APAF1: variants seen among roughly 807,000 people sequenced by gnomAD.
The protein encoded by APAF1 is apoptotic peptidase activating factor 1, also known as apoptotic protease-activating factor 1.
Under a neutral mutation model 152.4 loss-of-function variants are expected in APAF1, and 91 were observed. The ratio of observed to expected loss-of-function variants is 0.60; its 90% confidence interval spans 0.50 to 0.71. The LOEUF (loss-of-function observed/expected upper bound fraction) is 0.71. APAF1 is among the 30% of genes least tolerant of loss of function. The pLI is 0.00. For synonymous variants in APAF1, 484 were observed against 494.1 expected (o/e 0.98, Z 0.27); for missense variants, 1,283 against 1,472.0 (o/e 0.87, Z 2.10).
chr12:98,726,749 T>A (rs2097751168), intron 25 of APAF1: 1 of 155,350 alleles, frequency 6.4e-6, no homozygotes, highest in South Asian at 1.9e-4. Context: ...TGTGTTATTT[T>A]AAAAATTTTT....
At chr12:98,669,191 G>A (rs1299742811) in intron 10 of APAF1, among the ~76,000 whole-genome samples, 1 of 151,738 alleles carries the variant, frequency 6.6e-6, no homozygotes, top group Non-Finnish European at 1.5e-5. Context: ...AGTTTTTTTG[G>A]TCCTTATGAT....
At position 98,686,776 on chromosome 12, in the gene APAF1, G is replaced by A. The variant is rs751875283; in HGVS notation, c.2207G>A (p.Arg736Gln). The change falls in exon 16 of 27, where the codon CGA becomes CAA. Residue 736 changes from arginine to glutamine, a missense_variant. By Grantham distance (43) the Arg-to-Gln change is conservative. Coordinates refer to ENST00000551964, the MANE Select transcript of APAF1 (RefSeq NM_181861.2). Reference sequence around the variant, plus strand: ...TGGGATTTGAATCAAAAAGAATGTCGAAATACCATGTTTGGTCATACAAAT... The same window carrying A: ...TGGGATTTGAATCAAAAAGAATGTCAAAATACCATGTTTGGTCATACAAAT... ...KLWDLNQKEC[R>Q]NTMFGHTNSV... The A allele has an allele frequency of 7.4e-6, 12 of 1,613,338 alleles. No individual in the cohort carries two copies. Among genetic ancestry groups the A allele is most frequent in the Middle Eastern group, 1.6e-4 (1 of 6,080 alleles).
At chr12:98,690,908 C>T (rs2097703438) in intron 16 of APAF1, among the ~76,000 whole-genome samples, 1 of 152,040 alleles carries the variant, frequency 6.6e-6, no homozygotes, top group Admixed American at 6.6e-5. Context: ...ATAACAGTGT[C>T]CAAAAAGTCC....
intron 15 of APAF1, among the ~76,000 whole-genome samples, chr12:98,684,341 G>T (rs1054311238): frequency 1.3e-5 from 2 of 151,608 alleles, no homozygotes; most frequent in Non-Finnish European, 2.9e-5. Flanking sequence ...TGGCTGAATG[G>T]GACCTACATT....
Position 98,688,765 on chromosome 12 carries a change from C to T in APAF1, c.2304+1892C>T, listed in dbSNP as rs186947775. On this transcript the variant is annotated intron_variant, in intron 16 of 26. Transcript: ENST00000551964. ...GTGAGCCACCAAGCCTAGCCTACCACTCTTTTCTTTTTTCTTTTCTTTTCT... is the reference window on the plus strand; with the variant it reads ...GTGAGCCACCAAGCCTAGCCTACCATTCTTTTCTTTTTTCTTTTCTTTTCT... Among the ~76,000 whole-genome samples the T allele has an allele frequency of 5.9e-4, 90 of 151,604 alleles. 1 individual carries two copies. Among genetic ancestry groups the T allele is most frequent in the African/African-American group, 1.7e-3 (70 of 41,372 alleles).
chr12:98,654,835 T>A (rs7138008), intron 4 of APAF1, among the ~76,000 whole-genome samples: 42,481 of 127,694 alleles, frequency 0.33, 6,395 homozygotes, highest in East Asian at 0.35. Flanking sequence ...TTTTTTTTTT[T>A]AATTTATTTT....
rs1416469126 is a variant in APAF1 at position 98,667,419 on chromosome 12, C to G, written c.1363-94C>G. ...GCGTGAGCCACCGAGCCCGGCCTCT[C>G]TGTACATTCTTAATAGCTTTGGAAG... On this transcript the variant is annotated intron_variant, in intron 9 of 26. Coordinates refer to ENST00000551964, the MANE Select transcript of APAF1 (RefSeq NM_181861.2). 31 of 1,505,522 alleles carry G rather than the reference C, an allele frequency of 2.1e-5. 1 individual carries two copies. The Admixed American group carries it at 2.2e-4, about 11-fold the overall frequency. The allele number at this position is 1,505,522 out of a possible 1,614,324, so 93.3% of individuals were successfully genotyped here. A position where few individuals can be genotyped will look rare whatever the true frequency, so the allele number is the denominator to read the frequency against.
intron 4 of APAF1, among the ~76,000 whole-genome samples, chr12:98,657,774 G>T (rs2097659648): frequency 6.6e-6 from 1 of 152,166 alleles, no homozygotes; most frequent in South Asian, 2.1e-4. Flanking sequence ...CATTAGCTGT[G>T]TAACTTTGGG....
intron 16 of APAF1, among the ~76,000 whole-genome samples, chr12:98,692,021 A>G (rs80321581): frequency 2.0e-5 from 3 of 152,252 alleles, no homozygotes; most frequent in East Asian, 1.9e-4. Context: ...ACCATGCCTC[A>G]AAGTTATTGC....
At chr12:98,699,100 A>G (rs914504003) in intron 16 of APAF1, among the ~76,000 whole-genome samples, 1 of 151,804 alleles carries the variant, frequency 6.6e-6, no homozygotes, top group African/African-American at 2.4e-5. Flanking sequence ...TCATCTTACC[A>G]CCTTTCTTCC....
chr12:98,717,836 T>C (rs1011972126), intron 22 of APAF1, among the ~76,000 whole-genome samples: 1 of 152,204 alleles, frequency 6.6e-6, no homozygotes, highest in Non-Finnish European at 1.5e-5. Flanking sequence ...AACAACTGGC[T>C]GAAAGCTCTG....
At chr12:98,669,558 G>T (rs1180718547) in intron 10 of APAF1, among the ~76,000 whole-genome samples, 1 of 152,004 alleles carries the variant, frequency 6.6e-6, no homozygotes, top group Non-Finnish European at 1.5e-5. Context: ...TACATTGAAT[G>T]GTCATCTTTT....
At position 98,699,205 on chromosome 12, in the gene APAF1, G is replaced by A. The variant is rs149234579; in HGVS notation, c.2305-203G>A. On this transcript the variant is annotated intron_variant, in intron 16 of 26. Coordinates refer to ENST00000551964, the MANE Select transcript of APAF1 (RefSeq NM_181861.2). ...AATTTTATGTTCTGCATTTTGGGCA[G>A]TGCTTCTAATTTTTTCTTTTTAAGA... Among the ~76,000 whole-genome samples the A allele has an allele frequency of 3.1e-3, 470 of 152,272 alleles. 4 individuals carry two copies. The highest frequency in any genetic ancestry group is 0.011 in the African/African-American group (451 of 41,544).
intron 16 of APAF1, among the ~76,000 whole-genome samples, chr12:98,696,349 C>CTT (rs1287518524): frequency 1.3e-4 from 20 of 152,140 alleles, no homozygotes; most frequent in African/African-American, 3.9e-4. Context: ...AGACTGTTTT[C>CTT]AACAACCCGC....
intron 16 of APAF1, among the ~76,000 whole-genome samples, chr12:98,694,710 A>G (rs1334462147): frequency 4.0e-5 from 6 of 151,854 alleles, no homozygotes; most frequent in Admixed American, 6.6e-5. Flanking sequence ...ATATTTTTCT[A>G]TTTGTTGGTT....
Position 98,712,339 on chromosome 12 carries a change from T to C in APAF1, c.2862T>C (p.Gly954=). 1 of 1,611,346 alleles carries C rather than the reference T, an allele frequency of 6.2e-7. No homozygotes were observed. Among genetic ancestry groups the C allele is most frequent in the Non-Finnish European group, 8.5e-7 (1 of 1,177,610 alleles). The change falls in exon 21 of 27, where the codon GGT becomes GGC. Residue 954 remains glycine, a synonymous_variant. Transcript: ENST00000551964. ...ATTAGCTCATTAATGGAAGAACAGG[T>C]CAGATTGATTATCTGACTGAAGCTC... ...RRLQLINGRT[G]QIDYLTEAQV...
At chr12:98,672,594 C>G (rs1272202792) in intron 12 of APAF1, among the ~76,000 whole-genome samples, 1 of 151,952 alleles carries the variant, frequency 6.6e-6, no homozygotes, top group Non-Finnish European at 1.5e-5. Flanking sequence ...TTGCTCTTAC[C>G]TTAATCTTGT....
chr12:98,732,326 G>T (rs145363348), intron 26 of APAF1, 94 bp from the exon 27 acceptor site: 33 of 1,121,436 alleles, frequency 2.9e-5, no homozygotes, highest in East Asian at 2.9e-4. Context: ...AGTTCGGTTG[G>T]GGGGAGGAGA....
Position 98,648,645 on chromosome 12 carries a change from C to T in APAF1, c.158C>T (p.Ala53Val). 1 of 1,613,640 alleles carries T rather than the reference C, an allele frequency of 6.2e-7. No individual in the cohort carries two copies. ...VRNEPTQQQR[A>V]AMLIKMILKK... ...TTTTAGCCCACTCAACAGCAAAGAGCAGCTATGCTGATTAAAATGATACTT... is the reference window on the plus strand; with the variant it reads ...TTTTAGCCCACTCAACAGCAAAGAGTAGCTATGCTGATTAAAATGATACTT... Residue 53 changes from alanine (A) to valine (V), a missense_variant, in exon 3 of 27, where the codon GCA becomes GTA. By Grantham distance (64) the Ala-to-Val change is moderately conservative. Transcript: ENST00000551964.
Sources: allele counts gnomAD v4.1 joint callset (sites outside exome capture counted in the v4.1 genomes callset), GRCh38; gene constraint gnomAD v4.1.1; transcripts MANE v1.5; gene names NCBI Gene and HGNC (gene_info 2026-07-23, HGNC 2026-07-21).